The following FRMD5 variants were observed in gnomAD, a reference collection of about 807,000 sequenced individuals.
FRMD5 encodes the protein FERM domain containing 5.
In FRMD5, 20 loss-of-function variants were observed where a neutral mutation model predicts 69.0. That is an observed-to-expected ratio of 0.29 (90% CI 0.20 to 0.42). The LOEUF (loss-of-function observed/expected upper bound fraction) is 0.42. Among genes scored for constraint, FRMD5 ranks in the 10% least tolerant of loss-of-function variants. The pLI is 1.00. For synonymous variants in FRMD5, 271 were observed against 260.1 expected, an observed-to-expected ratio of 1.04 and a Z score of -0.40; for missense variants, 595 against 708.6, an observed-to-expected ratio of 0.84 and a Z score of 1.82.
chr15:43,984,672 T>A (rs1452015238), intron 1 of FRMD5, among the ~76,000 whole-genome samples: 2 of 152,226 alleles, frequency 1.3e-5, no homozygotes, highest in East Asian at 3.9e-4. Context: ...TCCCACAGGA[T>A]GGAAATTAGG....
intron 10 of FRMD5, among the ~76,000 whole-genome samples, chr15:43,886,835 G>A (rs2088674814): frequency 6.6e-6 from 1 of 152,196 alleles, no homozygotes. Context: ...AGGCCAAAGC[G>A]CTGCTGCCAG....
chr15:44,063,063 T>C (rs1447888976), intron 1 of FRMD5, among the ~76,000 whole-genome samples: 2 of 152,226 alleles, frequency 1.3e-5, no homozygotes. Flanking sequence ...CTTTTCTTTT[T>C]CAAAATTGTT....
intron 1 of FRMD5, among the ~76,000 whole-genome samples, chr15:44,167,192 C>A (rs775364098): frequency 6.6e-6 from 1 of 152,060 alleles, no homozygotes; most frequent in African/African-American, 2.4e-5. Flanking sequence ...TGTAGTGAGA[C>A]CTCGTCTCCA....
intron 1 of FRMD5, among the ~76,000 whole-genome samples, 187 bp from the exon 2 acceptor site, chr15:43,924,496 C>G (rs148964010): frequency 2.0e-5 from 3 of 152,266 alleles, no homozygotes; most frequent in Non-Finnish European, 4.4e-5. Context: ...CTTTTAGCAC[C>G]TGGAAGGAGC....
At chr15:44,191,539 T>C (rs1305356276) in intron 1 of FRMD5, among the ~76,000 whole-genome samples, 1 of 151,946 alleles carries the variant, frequency 6.6e-6, no homozygotes, top group Non-Finnish European at 1.5e-5. Flanking sequence ...TGAGCTTAGA[T>C]TGCGCCATTG....
chr15:44,151,108 CA>C (rs1217119918), intron 1 of FRMD5, among the ~76,000 whole-genome samples: 1 of 147,340 alleles, frequency 6.8e-6, no homozygotes, highest in Non-Finnish European at 1.5e-5. Flanking sequence ...CAAAACAAAA[CA>C]AAAAAGGACC....
At chr15:43,903,213 T>C (rs919842791) in intron 6 of FRMD5, among the ~76,000 whole-genome samples, 5 of 152,214 alleles carry the variant, frequency 3.3e-5, no homozygotes, top group Admixed American at 3.3e-4. Flanking sequence ...CTTCTACAGA[T>C]ACAGGTTTGG....
At chr15:44,121,320 A>G (rs753981207) in intron 1 of FRMD5, among the ~76,000 whole-genome samples, 1 of 151,866 alleles carries the variant, frequency 6.6e-6, no homozygotes, top group Non-Finnish European at 1.5e-5. Context: ...AAGGGAATAA[A>G]TGCCAAGGAG....
intron 1 of FRMD5, among the ~76,000 whole-genome samples, chr15:44,147,988 T>C (rs1477702205): frequency 6.6e-6 from 1 of 152,190 alleles, no homozygotes; most frequent in Non-Finnish European, 1.5e-5. Flanking sequence ...GACCACAATA[T>C]CTGTTATGAC....
At chr15:43,919,953 A>G (rs921744005) in intron 2 of FRMD5, 144 bp from the exon 3 acceptor site, 1 of 719,048 alleles carries the variant, frequency 1.4e-6, no homozygotes, top group South Asian at 1.8e-5. Context: ...TTTGGTGAGT[A>G]AAGAGTGATA....
At chr15:44,189,407 G>A (rs1383345936) in intron 1 of FRMD5, among the ~76,000 whole-genome samples, 1 of 152,058 alleles carries the variant, frequency 6.6e-6, no homozygotes, top group Non-Finnish European at 1.5e-5. Context: ...ACTGGAGGTT[G>A]GGAGTATGTG....
At chr15:44,116,974 CAG>C (rs758534046) in intron 1 of FRMD5, among the ~76,000 whole-genome samples, 21 of 142,376 alleles carry the variant, frequency 1.5e-4, no homozygotes, top group Non-Finnish European at 3.0e-4. Context: ...CCCAGCTACT[CAG>C]GGGGTGGGGC....
At chr15:43,989,906 C>A in intron 1 of FRMD5, 2 of 1,156,332 alleles carry the variant, frequency 1.7e-6, no homozygotes, top group Non-Finnish European at 2.6e-6. Flanking sequence ...ACACACAGCT[C>A]GTTGTAGAAG....
intron 1 of FRMD5, among the ~76,000 whole-genome samples, chr15:44,185,699 G>A (rs1011688374): frequency 4.0e-5 from 6 of 151,720 alleles, no homozygotes; most frequent in African/African-American, 1.2e-4. Flanking sequence ...AGGCTGAGAC[G>A]CAAGAATTGC....
In FRMD5 at chr15:43,873,497, T is replaced by TTCA; in HGVS notation, c.*387_*388insTGA. The TTCA allele has an allele frequency of 7.0e-7, 1 of 1,420,624 alleles. No homozygotes were observed. Among genetic ancestry groups the TTCA allele is most frequent in the Non-Finnish European group, 9.1e-7 (1 of 1,097,720 alleles). 88.0% of individuals were successfully genotyped at this position (1,420,624 alleles called of 1,614,324 possible). A position where few individuals can be genotyped will look rare whatever the true frequency, so the allele number is the denominator to read the frequency against. On this transcript the variant is annotated 3_prime_UTR_variant, in exon 14 of 14. Transcript: ENST00000417257. ...GCAGCTCTCTAGTTTTCAACTAGTG[T>TTCA]CCCCTCTGCTAGGTGATACTACTGC...
At position 43,919,821 on chromosome 15, in the gene FRMD5, A is replaced by G. The variant is rs1566835989; in HGVS notation, c.208-12T>C. On this transcript the variant is annotated splice_polypyrimidine_tract_variant and intron_variant, in intron 2 of 13. Coordinates refer to ENST00000417257, the MANE Select transcript of FRMD5 (RefSeq NM_032892.5). ...AATTCCAGCCAATGCTGAAACAGAGAACACAGAACATGAAAACCCTAATGA... is the reference window on the plus strand; with the variant it reads ...AATTCCAGCCAATGCTGAAACAGAGGACACAGAACATGAAAACCCTAATGA... 1 of 1,612,930 alleles carries G rather than the reference A, an allele frequency of 6.2e-7. No homozygotes were observed. The highest frequency in any genetic ancestry group is 1.7e-5 in the Admixed American group (1 of 60,016).
chr15:44,037,996 C>A (rs1346163224), intron 1 of FRMD5, among the ~76,000 whole-genome samples: 1 of 152,172 alleles, frequency 6.6e-6, no homozygotes, highest in Non-Finnish European at 1.5e-5. Flanking sequence ...GCCATTCTAA[C>A]TGGTGTGAGA....
intron 1 of FRMD5, among the ~76,000 whole-genome samples, chr15:43,991,467 G>A (rs1196943023): frequency 2.0e-5 from 3 of 152,208 alleles, no homozygotes; most frequent in Non-Finnish European, 2.9e-5. Flanking sequence ...TGCTGCTGCT[G>A]CATTCTGTGC....
intron 1 of FRMD5, among the ~76,000 whole-genome samples, chr15:44,110,609 T>G (rs976162193): frequency 6.6e-6 from 1 of 152,192 alleles, no homozygotes; most frequent in Non-Finnish European, 1.5e-5. Flanking sequence ...TTACCTCTCT[T>G]AACACAGAAA....
Sources: gnomAD v4.1 joint callset for allele counts (sites outside exome capture counted in the v4.1 genomes callset) on GRCh38, gnomAD v4.1.1 for gene constraint, MANE v1.5 for transcripts, NCBI Gene and HGNC (gene_info 2026-07-23, HGNC 2026-07-21) for gene names.